The following RASSF3 variants were observed in gnomAD, a reference collection of about 807,000 sequenced individuals.
RASSF3 encodes the protein Ras association domain family member 3.
Under a neutral mutation model 19.9 loss-of-function variants are expected in RASSF3, and 19 were observed. The ratio of observed to expected loss-of-function variants is 0.96; its 90% CI spans 0.67 to 1.40. The LOEUF (loss-of-function observed/expected upper bound fraction) is 1.40. RASSF3 is among the 40% of genes most tolerant of loss of function. The pLI, the probability that RASSF3 is intolerant of heterozygous loss-of-function variation, is 0.00. For synonymous variants in RASSF3, 110 were observed against 104.2 expected, an observed-to-expected ratio of 1.06 and a Z score of -0.34; for missense variants, 306 against 289.8, an observed-to-expected ratio of 1.06 and a Z score of -0.41.
chr12:64,668,399 C>T (rs117199927), intron 1 of RASSF3, among the ~76,000 whole-genome samples: 171 of 152,138 alleles, frequency 1.1e-3, no homozygotes, highest in Non-Finnish European at 1.8e-3. Flanking sequence ...CAGCCTTAGC[C>T]TCCAAGTAGC....
chr12:64,636,763 G>C (rs1205918401), intron 1 of RASSF3, among the ~76,000 whole-genome samples: 1 of 151,896 alleles, frequency 6.6e-6, no homozygotes, highest in Non-Finnish European at 1.5e-5. Context: ...CCACTTGGGA[G>C]GGTGAGGCAG....
intron 1 of RASSF3, among the ~76,000 whole-genome samples, chr12:64,509,399 A>G (rs2136096965): frequency 6.6e-6 from 1 of 152,310 alleles, no homozygotes; most frequent in African/African-American, 2.4e-5. Context: ...GCAGTGAGCT[A>G]AGATGGAACC....
At position 64,597,094 on chromosome 12, in the gene RASSF3, C is replaced by T. The variant is rs546007608; in HGVS notation, c.294+55389C>T. On this transcript the variant is annotated intron_variant, in intron 2 of 5. Coordinates refer to the RASSF3 transcript ENST00000637125. The stretch of plus-strand genomic sequence containing the variant: ...AGTGTATTTTTTTTTAACACGTTGG[C>T]CTTCACATATCTGGTCAATTTTTCT... Among the ~76,000 whole-genome samples, 3 of 151,838 alleles carry T rather than the reference C, an allele frequency of 2.0e-5. No individual in the cohort carries two copies. The South Asian group carries it at 6.3e-4, about 32-fold the overall frequency.
upstream of RASSF3, among the ~76,000 whole-genome samples, chr12:64,605,887 CA>C (rs34242846): frequency 0.35 from 29,144 of 82,458 alleles, 2,335 homozygotes; most frequent in Non-Finnish European, 0.41. Context: ...AACTCCGTCT[CA>C]AAAAAAAAAA....
chr12:64,598,935 G>A (rs1870042300), intron 2 of RASSF3: 1 of 133,846 alleles, frequency 7.5e-6, no homozygotes, highest in Non-Finnish European at 1.5e-5. Flanking sequence ...TCCTCTTCCT[G>A]GAGACACAGA....
chr12:64,657,919 C>CAAA (rs1237333887), intron 1 of RASSF3, among the ~76,000 whole-genome samples: 1 of 151,872 alleles, frequency 6.6e-6, no homozygotes, highest in South Asian at 2.1e-4. Flanking sequence ...TACAAAACTT[C>CAAA]AAAAAAAATT....
At chr12:64,663,242 G>A (rs1034631281) in intron 1 of RASSF3, among the ~76,000 whole-genome samples, 1 of 152,076 alleles carries the variant, frequency 6.6e-6, no homozygotes, top group African/African-American at 2.4e-5. Flanking sequence ...CGTAACAAAG[G>A]CCTTCTTGTG....
intron 1 of RASSF3, among the ~76,000 whole-genome samples, chr12:64,646,338 A>G (rs1208227761): frequency 6.6e-6 from 1 of 152,172 alleles, no homozygotes. Flanking sequence ...GCAATGGATG[A>G]GAGTTCTGTT....
intron 1 of RASSF3, among the ~76,000 whole-genome samples, chr12:64,516,368 C>G (rs1026537701): frequency 6.6e-6 from 1 of 151,990 alleles, no homozygotes; most frequent in African/African-American, 2.4e-5. Context: ...GCCTGTAATC[C>G]CAGCACTTTG....
At chr12:64,589,117 GAA>G (rs1477547456) in intron 2 of RASSF3, among the ~76,000 whole-genome samples, 1 of 152,174 alleles carries the variant, frequency 6.6e-6, no homozygotes, top group Non-Finnish European at 1.5e-5. Context: ...AGCCACCTGG[GAA>G]TTTAATGTGG....
At chr12:64,659,992 G>GTGCGTGTATA (rs1362459048) in intron 1 of RASSF3, among the ~76,000 whole-genome samples, 14 of 138,874 alleles carry the variant, frequency 1.0e-4, no homozygotes, top group African/African-American at 3.4e-4. Flanking sequence ...GTATGTATGT[G>GTGCGTGTATA]TATATGTGTG....
At chr12:64,591,775 A>C (rs1314119417) in intron 2 of RASSF3, among the ~76,000 whole-genome samples, 1 of 152,114 alleles carries the variant, frequency 6.6e-6, no homozygotes, top group East Asian at 1.9e-4. Flanking sequence ...TTATGTAAAC[A>C]TTCATAGAAT....
chr12:64,549,689 A>G (rs1370377646), intron 2 of RASSF3, among the ~76,000 whole-genome samples: 1 of 152,198 alleles, frequency 6.6e-6, no homozygotes, highest in Non-Finnish European at 1.5e-5. Context: ...GCCAGCAGCC[A>G]GCACAGCCTC....
chr12:64,587,227 G>A (rs2136138621), intron 2 of RASSF3, among the ~76,000 whole-genome samples: 1 of 151,616 alleles, frequency 6.6e-6, no homozygotes, highest in East Asian at 2.0e-4. Flanking sequence ...GCTAATTTTT[G>A]TATTTTTGAA....
intron 2 of RASSF3, among the ~76,000 whole-genome samples, chr12:64,577,767 G>T (rs1469421461): frequency 2.0e-5 from 3 of 152,046 alleles, no homozygotes; most frequent in African/African-American, 7.2e-5. Flanking sequence ...AAAACAGTAG[G>T]AGTGCTGTTA....
intron 2 of RASSF3, among the ~76,000 whole-genome samples, chr12:64,571,990 T>A (rs961359124): frequency 6.6e-6 from 1 of 152,186 alleles, no homozygotes; most frequent in African/African-American, 2.4e-5. Context: ...CTAGAATTCA[T>A]AGGTTATGAC....
intron 2 of RASSF3, among the ~76,000 whole-genome samples, chr12:64,560,167 GC>G (rs1219872407): frequency 2.6e-5 from 4 of 152,188 alleles, no homozygotes; most frequent in Non-Finnish European, 5.9e-5. Flanking sequence ...GCATTCAGAT[GC>G]CCCCATCCCA....
At chr12:64,596,485 G>T (rs1432650744) in intron 2 of RASSF3, among the ~76,000 whole-genome samples, 1 of 152,150 alleles carries the variant, frequency 6.6e-6, no homozygotes, top group African/African-American at 2.4e-5. Context: ...TGATGTTCAA[G>T]GATTTGGAGT....
At chr12:64,582,872 C>T (rs962609509) in intron 2 of RASSF3, among the ~76,000 whole-genome samples, 1 of 152,122 alleles carries the variant, frequency 6.6e-6, no homozygotes, top group Non-Finnish European at 1.5e-5. Context: ...TTTTGGCCAG[C>T]GTGTATGTCC....
Sources: gnomAD v4.1 joint callset for allele counts (sites outside exome capture counted in the v4.1 genomes callset) on GRCh38, gnomAD v4.1.1 for gene constraint, MANE v1.5 for transcripts, NCBI Gene and HGNC (gene_info 2026-07-23, HGNC 2026-07-21) for gene names.